Variants in HRH1 observed in about 807,000 individuals in gnomAD.
HRH1 encodes histamine H1 receptor.
In HRH1, 6 loss-of-function variants were observed where a neutral mutation model predicts 10.3. That is an observed-to-expected ratio of 0.58 (90% CI 0.32 to 1.15). The LOEUF (loss-of-function observed/expected upper bound fraction) is 1.15. HRH1 is among the 50% of genes most tolerant of loss of function. HRH1 has a pLI of 0.05. For missense variants in HRH1, 514 were observed against 615.3 expected, an observed-to-expected ratio of 0.84 and a Z score of 1.74; for synonymous variants, 242 against 236.7, an observed-to-expected ratio of 1.02 and a Z score of -0.21.
chr3:11,139,788 T>C (rs1003645606), intron 1 of HRH1, among the ~76,000 whole-genome samples: 1 of 152,130 alleles, frequency 6.6e-6, no homozygotes, highest in African/African-American at 2.4e-5. Flanking sequence ...AGAACTCCAT[T>C]CATATGAAAG....
chr3:11,183,977 T>C (rs419138), intron 1 of HRH1, among the ~76,000 whole-genome samples: 64,051 of 150,668 alleles, frequency 0.43, 14,271 homozygotes, highest in East Asian at 0.66. Context: ...GGCGGTGTGA[T>C]GGTTTTTGCC....
chr3:11,144,402 T>A (rs1227475356), intron 1 of HRH1, among the ~76,000 whole-genome samples: 1 of 150,460 alleles, frequency 6.6e-6, no homozygotes, highest in Admixed American at 6.6e-5. Flanking sequence ...TATATACATA[T>A]AGACATACAT....
At chr3:11,140,601 G>A (rs138825221) in intron 1 of HRH1, among the ~76,000 whole-genome samples, 1 of 152,002 alleles carries the variant, frequency 6.6e-6, no homozygotes, top group African/African-American at 2.4e-5. Context: ...CCCTGCTCGC[G>A]GGTGACCTCT....
chr3:11,212,201 G>C (rs927058545), intron 1 of HRH1, among the ~76,000 whole-genome samples: 2 of 152,190 alleles, frequency 1.3e-5, no homozygotes, highest in Admixed American at 1.3e-4. Flanking sequence ...TTGCAGAGTA[G>C]ATTTTCCTGC....
At chr3:11,178,835 G>A (rs1337396960) in intron 1 of HRH1, among the ~76,000 whole-genome samples, 1 of 152,104 alleles carries the variant, frequency 6.6e-6, no homozygotes, top group Non-Finnish European at 1.5e-5. Context: ...AGCTAAGACG[G>A]TGACTTGGGT....
chr3:11,196,466 C>G (rs144666791), intron 1 of HRH1, among the ~76,000 whole-genome samples: 1 of 151,968 alleles, frequency 6.6e-6, no homozygotes, highest in Non-Finnish European at 1.5e-5. Flanking sequence ...AGTGCAGTGG[C>G]GTGATCTTGG....
chr3:11,189,368 A>T (rs143950590), intron 1 of HRH1, among the ~76,000 whole-genome samples: 1 of 152,306 alleles, frequency 6.6e-6, no homozygotes, highest in East Asian at 1.9e-4. Context: ...TAAAATTGGG[A>T]AGATAATAGA....
intron 1 of HRH1, among the ~76,000 whole-genome samples, chr3:11,197,037 G>A (rs59166619): frequency 0.042 from 6,332 of 150,730 alleles, 395 homozygotes; most frequent in African/African-American, 0.13. Context: ...AGGCAGGAGA[G>A]TGGCGTGAAC....
chr3:11,244,869 T>C (rs1436618290), intron 1 of HRH1, among the ~76,000 whole-genome samples: 1 of 152,236 alleles, frequency 6.6e-6, no homozygotes, highest in East Asian at 1.9e-4. Context: ...TCAGTGGTTC[T>C]ATCCCCCAGG....
At chr3:11,158,256 C>T (rs73130413) in intron 1 of HRH1, among the ~76,000 whole-genome samples, 8,401 of 152,254 alleles carry the variant, frequency 0.055, 515 homozygotes, top group African/African-American at 0.15. Context: ...TTTAACTTTT[C>T]TCCCACCCTT....
At chr3:11,249,563 G>C (rs765759693) in intron 1 of HRH1, among the ~76,000 whole-genome samples, 2 of 152,146 alleles carry the variant, frequency 1.3e-5, no homozygotes, top group African/African-American at 2.4e-5. Flanking sequence ...AAGAACCTTG[G>C]GAAGCTGGGA....
intron 1 of HRH1, among the ~76,000 whole-genome samples, chr3:11,212,016 G>T (rs1938342137): frequency 6.6e-6 from 1 of 152,128 alleles, no homozygotes; most frequent in African/African-American, 2.4e-5. Flanking sequence ...TGGTTAGTTG[G>T]CAGTGGGGCT....
chr3:11,143,931 C>A (rs757068601), intron 1 of HRH1, among the ~76,000 whole-genome samples: 1 of 151,820 alleles, frequency 6.6e-6, no homozygotes, highest in Non-Finnish European at 1.5e-5. Flanking sequence ...ATACAAGTGG[C>A]CAAAAAAATA....
chr3:11,191,485 G>C (rs1037891709), intron 1 of HRH1, among the ~76,000 whole-genome samples: 2 of 152,182 alleles, frequency 1.3e-5, no homozygotes, highest in Non-Finnish European at 2.9e-5. Flanking sequence ...GATGGGATTG[G>C]TTTGGCAAAC....
intron 1 of HRH1, among the ~76,000 whole-genome samples, chr3:11,246,168 C>CGGA (rs1939480534): frequency 6.6e-6 from 1 of 152,098 alleles, no homozygotes; most frequent in Non-Finnish European, 1.5e-5. Flanking sequence ...CAGCAAGCAG[C>CGGA]GGAGCAAGGG....
chr3:11,229,518 G>A (rs1048399275), intron 1 of HRH1, among the ~76,000 whole-genome samples: 5 of 152,134 alleles, frequency 3.3e-5, no homozygotes, highest in Admixed American at 1.3e-4. Context: ...GTACAGAGAT[G>A]TACCATTAAT....
In HRH1 at chr3:11,207,908, C is replaced by T. The variant is rs747098079; in HGVS notation, c.-35-51095C>T. On this transcript the variant is annotated intron_variant, in intron 1 of 1. Coordinates refer to ENST00000431010, the MANE Select transcript of HRH1 (RefSeq NM_001098212.2). ...CCCAACATCTGTCAGGAAGGGCGGG[C>T]GTCATTGACCACCAAAACTGGGTCA... Among the ~76,000 whole-genome samples, 6 of 152,202 alleles carry T rather than the reference C, an allele frequency of 3.9e-5. No individual in the cohort carries two copies. In the East Asian group the frequency reaches 7.8e-4, roughly 20 times the overall value.
intron 1 of HRH1, among the ~76,000 whole-genome samples, chr3:11,217,948 G>A (rs930888636): frequency 6.6e-6 from 1 of 152,206 alleles, no homozygotes; most frequent in Non-Finnish European, 1.5e-5. Flanking sequence ...GGACAGAGCA[G>A]TGTGTTGAAC....
intron 1 of HRH1, among the ~76,000 whole-genome samples, chr3:11,209,456 A>C (rs1437483773): frequency 6.6e-6 from 1 of 151,988 alleles, no homozygotes; most frequent in African/African-American, 2.4e-5. Context: ...TTTTCTTTGT[A>C]CCTTTAGTTT....
Sources: allele counts gnomAD v4.1 joint callset (sites outside exome capture counted in the v4.1 genomes callset), GRCh38; gene constraint gnomAD v4.1.1; transcripts MANE v1.5; gene names NCBI Gene and HGNC (gene_info 2026-07-23, HGNC 2026-07-21).